The following FHIP2A variants were observed in gnomAD, a reference collection of about 807,000 sequenced individuals.
FHIP2A encodes the protein family with sequence similarity 160 member B1.
A neutral mutation model predicts 93.5 loss-of-function variants in FHIP2A; 46 were observed. The ratio of observed to expected loss-of-function variants is 0.49; its 90% CI spans 0.39 to 0.63. The LOEUF is 0.63. Ranked by LOEUF, FHIP2A falls within the 20% of genes least tolerant of loss-of-function variation. The probability of loss-of-function intolerance (pLI) is 0.00; values close to 1 mark genes in which losing one functional copy is unlikely to be tolerated. For synonymous variants in FHIP2A, 332 were observed against 326.5 expected, an observed-to-expected ratio of 1.02 and a Z score of -0.18; for missense variants, 769 against 909.7, an observed-to-expected ratio of 0.85 and a Z score of 1.99.
At chr10:114,858,203 A>G (rs539780390) in intron 14 of FHIP2A, among the ~76,000 whole-genome samples, 18 of 152,374 alleles carry the variant, frequency 1.2e-4, no homozygotes, top group African/African-American at 4.1e-4. Context: ...TTAACTACCA[A>G]CAACTTCCAA....
At chr10:114,856,577 T>A (rs1453519823) in intron 14 of FHIP2A, among the ~76,000 whole-genome samples, 1 of 152,194 alleles carries the variant, frequency 6.6e-6, no homozygotes, top group Non-Finnish European at 1.5e-5. Flanking sequence ...ATCAAGACAG[T>A]AATGTTTAGG....
chr10:114,838,630 T>A (rs898646032), intron 5 of FHIP2A, among the ~76,000 whole-genome samples: 17 of 152,208 alleles, frequency 1.1e-4, no homozygotes, highest in Non-Finnish European at 2.5e-4. Context: ...TGTATTTTTT[T>A]CCCCAAACTT....
intron 16 of FHIP2A, among the ~76,000 whole-genome samples, chr10:114,880,668 A>G (rs551017963): frequency 8.4e-6 from 1 of 119,034 alleles, no homozygotes; most frequent in East Asian, 2.1e-4. Context: ...CAACAGAGTG[A>G]GACTCCATGT....
chr10:114,857,097 G>A (rs1015220539), intron 14 of FHIP2A, among the ~76,000 whole-genome samples: 2 of 151,576 alleles, frequency 1.3e-5, no homozygotes, highest in South Asian at 2.1e-4. Flanking sequence ...GTGAGACCCC[G>A]TCTCTAAAAC....
intron 1 of FHIP2A, among the ~76,000 whole-genome samples, chr10:114,828,342 T>A (rs528646929): frequency 1.3e-5 from 2 of 152,284 alleles, no homozygotes; most frequent in African/African-American, 4.8e-5. Flanking sequence ...ACAGTTTCAA[T>A]TCCCTTGAAA....
downstream of FHIP2A, among the ~76,000 whole-genome samples, chr10:114,866,930 C>T (rs181853600): frequency 1.4e-4 from 21 of 152,288 alleles, no homozygotes; most frequent in South Asian, 2.3e-3. Context: ...GAACAGACGC[C>T]GGGCGCGGTA....
chr10:114,845,985 A>G (rs1380689240), intron 8 of FHIP2A, 28 bp from the exon 9 acceptor site: 1 of 1,548,922 alleles, frequency 6.5e-7, no homozygotes, highest in Middle Eastern at 1.7e-4. Context: ...ATATTAAAAA[A>G]AAAAATGATG....
Position 114,846,589 on chromosome 10 carries a change from C to T in FHIP2A, c.1429C>T (p.His477Tyr). The T allele has an allele frequency of 6.2e-7, 1 of 1,601,772 alleles. No individual in the cohort carries two copies. Among genetic ancestry groups the T allele is most frequent in the Non-Finnish European group, 8.5e-7 (1 of 1,176,944 alleles). ...ISIMTLRMFE[H>Y]LLQKPNEHIL... ...CATAATGACATTACGAATGTTTGAACATCTTTTACAAAAACCCAATGAGCA... is the reference window on the plus strand; with the variant it reads ...CATAATGACATTACGAATGTTTGAATATCTTTTACAAAAACCCAATGAGCA... The change falls in exon 11 of 17, where the codon CAT becomes TAT. Residue 477 changes from histidine (H) to tyrosine (Y), a missense_variant. Transcript: ENST00000369248.
chr10:114,838,901 C>T (rs1055623136), intron 5 of FHIP2A, among the ~76,000 whole-genome samples: 7 of 152,128 alleles, frequency 4.6e-5, no homozygotes, highest in Non-Finnish European at 8.8e-5. Flanking sequence ...ATTTTTTTAA[C>T]GAATAGGACT....
Position 114,846,159 on chromosome 10 carries a change from T to TG in FHIP2A, c.1206-15dup, listed in dbSNP as rs2083699640. The TG allele has an allele frequency of 7.4e-6, 12 of 1,613,598 alleles. No homozygotes were observed. Among genetic ancestry groups the TG allele is most frequent in the Non-Finnish European group, 1.0e-5 (12 of 1,179,650 alleles). On this transcript the variant is annotated splice_polypyrimidine_tract_variant and intron_variant, in intron 9 of 16. Coordinates refer to ENST00000369248, the MANE Select transcript of FHIP2A (RefSeq NM_020940.4). ...ATGTTATTTTTGCCCACTGACTACC[T>TG]GTTCATTGTGCTCAGTTCTGAGATG...
chr10:114,838,679 T>G (rs751720589), intron 5 of FHIP2A, among the ~76,000 whole-genome samples: 21 of 152,172 alleles, frequency 1.4e-4, no homozygotes, highest in African/African-American at 2.2e-4. Flanking sequence ...TTCTGAAACT[T>G]GTTTTCTAAG....
In FHIP2A at chr10:114,836,229, G is replaced by T; in HGVS notation, c.505G>T (p.Val169Phe). 2 of 1,592,836 alleles carry T rather than the reference G, an allele frequency of 1.3e-6. No individual in the cohort carries two copies. Among genetic ancestry groups the T allele is most frequent in the Non-Finnish European group, 1.7e-6 (2 of 1,165,542 alleles). Reference sequence around the variant, plus strand: ...GAAGCTGAAACAGGACCCCTACCTGGTTAACTTTTTCCTAGAGGTATGATA... The same window carrying T: ...GAAGCTGAAACAGGACCCCTACCTGTTTAACTTTTTCCTAGAGGTATGATA... The part of the protein sequence containing the change: ...CAKLKQDPYL[V>F]NFFLENKMKS... The change falls in exon 5 of 17, where the codon GTT becomes TTT. Residue 169 changes from valine to phenylalanine, a missense_variant. Coordinates refer to ENST00000369248, the MANE Select transcript of FHIP2A (RefSeq NM_020940.4).
intron 16 of FHIP2A, among the ~76,000 whole-genome samples, chr10:114,880,422 G>A (rs2083911091): frequency 6.6e-6 from 1 of 152,190 alleles, no homozygotes; most frequent in Non-Finnish European, 1.5e-5. Context: ...GCTCATGCCT[G>A]TAATCCCAGC....
intron 15 of FHIP2A, 105 bp from the exon 16 acceptor site, chr10:114,861,126 A>T: frequency 6.9e-7 from 1 of 1,439,908 alleles, no homozygotes; most frequent in Non-Finnish European, 9.4e-7. Flanking sequence ...GTGAAAGTTT[A>T]CGTTCTTTAT....
downstream of FHIP2A, among the ~76,000 whole-genome samples, chr10:114,868,932 A>C (rs1189154052): frequency 6.6e-6 from 1 of 152,200 alleles, no homozygotes; most frequent in African/African-American, 2.4e-5. Context: ...AACTATAATC[A>C]TAATTGCAAG....
intron 16 of FHIP2A, among the ~76,000 whole-genome samples, chr10:114,884,771 A>G (rs1221126259): frequency 1.3e-5 from 2 of 151,654 alleles, no homozygotes; most frequent in Non-Finnish European, 2.9e-5. Flanking sequence ...AAAATTAGCT[A>G]GGTGTGGTGG....
At chr10:114,835,386 T>C (rs908198982) in intron 3 of FHIP2A, 151 bp from the exon 4 acceptor site, 1 of 532,188 alleles carries the variant, frequency 1.9e-6, no homozygotes, top group African/African-American at 1.9e-5. Context: ...TTGAAAATTT[T>C]ATTCTGACAG....
At chr10:114,838,388 G>A (rs530096411) in intron 5 of FHIP2A, among the ~76,000 whole-genome samples, 6 of 152,118 alleles carry the variant, frequency 3.9e-5, no homozygotes, top group African/African-American at 7.2e-5. Flanking sequence ...CATGCGCATC[G>A]TGTGTTGTTC....
At chr10:114,894,264 T>C (rs2083989415) in intron 16 of FHIP2A, among the ~76,000 whole-genome samples, 1 of 151,920 alleles carries the variant, frequency 6.6e-6, no homozygotes, top group South Asian at 2.1e-4. Context: ...GCTGCTAAGA[T>C]GATGTAGGAT....
Sources: allele counts gnomAD v4.1 joint callset (sites outside exome capture counted in the v4.1 genomes callset), GRCh38; gene constraint gnomAD v4.1.1; transcripts MANE v1.5; gene names NCBI Gene and HGNC (gene_info 2026-07-23, HGNC 2026-07-21).